AGBL4: variants seen among roughly 807,000 people sequenced by gnomAD.
AGBL4 encodes AGBL carboxypeptidase 4.
In AGBL4, 58 loss-of-function variants were observed where a neutral mutation model predicts 66.4. The observed-to-expected ratio is 0.87, with a 90% CI of 0.71 to 1.09. The LOEUF (loss-of-function observed/expected upper bound fraction) is 1.09, where lower values mean the gene tolerates loss of function less well. Ranked by LOEUF, AGBL4 falls within the 50% of genes least tolerant of loss-of-function variation. The pLI is 0.00. For synonymous variants in AGBL4, 234 were observed against 222.9 expected (o/e 1.05, Z -0.44); for missense variants, 579 against 631.0 (o/e 0.92, Z 0.88).
At chr1:49,844,995 C>G in intron 2 of AGBL4, 1 of 1,423,410 alleles carries the variant, frequency 7.0e-7, no homozygotes, top group Non-Finnish European at 9.7e-7. Flanking sequence ...AACAAGGCCC[C>G]CACACGTGGG....
At chr1:49,064,568 C>G (rs1644459420) in intron 4 of AGBL4, among the ~76,000 whole-genome samples, 1 of 152,146 alleles carries the variant, frequency 6.6e-6, no homozygotes, top group South Asian at 2.1e-4. Flanking sequence ...CGTGAGTCCT[C>G]AATATCCTTC....
intron 1 of AGBL4, among the ~76,000 whole-genome samples, chr1:49,950,009 TACACAC>T (rs371624252): frequency 1.9e-5 from 2 of 102,794 alleles, no homozygotes; most frequent in Admixed American, 1.0e-4. Flanking sequence ...TATATATATA[TACACAC>T]ACATATGTGT....
intron 3 of AGBL4, among the ~76,000 whole-genome samples, chr1:49,254,656 GA>G (rs35500560): frequency 1.3e-5 from 2 of 151,720 alleles, no homozygotes; most frequent in African/African-American, 2.4e-5. Flanking sequence ...CAGAACTAGA[GA>G]AAAAAAATTT....
chr1:49,245,293 CACAA>C (rs1425585259), intron 4 of AGBL4, among the ~76,000 whole-genome samples: 2 of 132,560 alleles, frequency 1.5e-5, no homozygotes, highest in Non-Finnish European at 3.4e-5. Context: ...CACACACACA[CACAA>C]AACACAAAAA....
At chr1:48,816,237 G>A (rs971463574) in intron 6 of AGBL4, among the ~76,000 whole-genome samples, 6 of 152,146 alleles carry the variant, frequency 3.9e-5, no homozygotes, top group Non-Finnish European at 7.3e-5. Context: ...GTTAGCTGGG[G>A]AGAAGGTTGT....
At chr1:49,288,319 C>G (rs1419297114) in intron 3 of AGBL4, among the ~76,000 whole-genome samples, 2 of 149,410 alleles carry the variant, frequency 1.3e-5, no homozygotes, top group Admixed American at 6.7e-5. Flanking sequence ...ACATATGTAA[C>G]TAACCTGCAC....
intron 1 of AGBL4, among the ~76,000 whole-genome samples, chr1:49,865,165 T>C (rs1188653742): frequency 1.3e-5 from 2 of 152,056 alleles, no homozygotes; most frequent in East Asian, 3.9e-4. Context: ...TCAGAGGACT[T>C]AAGTATTTCC....
Position 49,377,730 on chromosome 1 carries a change from A to T in AGBL4, c.283-131866T>A, listed in dbSNP as rs183802437. On this transcript the variant is annotated intron_variant, in intron 3 of 13. Coordinates refer to ENST00000371839, the MANE Select transcript of AGBL4 (RefSeq NM_032785.4). ...AGCCCCAAATACTAAGAAGCAATGC[A>T]AAGAGGGCCAGGCGCATACAGCATG... Among the ~76,000 whole-genome samples, 284 of 152,204 alleles carry T rather than the reference A, an allele frequency of 1.9e-3. 2 individuals carry two copies. Among genetic ancestry groups the T allele is most frequent in the African/African-American group, 6.5e-3 (269 of 41,570 alleles).
chr1:49,771,781 G>A (rs987202857), intron 2 of AGBL4, among the ~76,000 whole-genome samples: 17 of 151,582 alleles, frequency 1.1e-4, no homozygotes, highest in East Asian at 1.9e-4. Context: ...ATATAAAGTC[G>A]ACTTTATCTG....
chr1:49,393,381 G>A (rs892731969), intron 3 of AGBL4, among the ~76,000 whole-genome samples: 2 of 152,072 alleles, frequency 1.3e-5, no homozygotes, highest in African/African-American at 4.8e-5. Context: ...TGTACAATCT[G>A]GTGCAAAATT....
chr1:48,814,677 G>A (rs952832511), intron 6 of AGBL4, among the ~76,000 whole-genome samples: 7 of 150,130 alleles, frequency 4.7e-5, no homozygotes, highest in East Asian at 3.9e-4. Flanking sequence ...TTCTGTTCCC[G>A]GCTTATTTCA....
At chr1:48,921,032 GA>G (rs1330171472) in intron 5 of AGBL4, among the ~76,000 whole-genome samples, 2 of 152,362 alleles carry the variant, frequency 1.3e-5, no homozygotes, top group African/African-American at 4.8e-5. Context: ...CCATTTGCCT[GA>G]AGGAGCAGGT....
In AGBL4 at chr1:49,215,947, T is replaced by C. The variant is rs577243272; in HGVS notation, c.377+29823A>G. 2.0e-5 allele frequency among the ~76,000 whole-genome samples: 3 copies of C among 152,214 alleles called. No homozygotes were observed. The South Asian group carries it at 6.2e-4, about 32-fold the overall frequency. On this transcript the variant is annotated intron_variant, in intron 4 of 13. Coordinates refer to ENST00000371839, the MANE Select transcript of AGBL4 (RefSeq NM_032785.4). ...CTAGAATTCAGGGAGCTCTCATAAT[T>C]TGCTCAAGGCCACATGGCTAGTAGA...
At chr1:49,262,583 A>T (rs1653303937) in intron 3 of AGBL4, among the ~76,000 whole-genome samples, 1 of 152,196 alleles carries the variant, frequency 6.6e-6, no homozygotes, top group African/African-American at 2.4e-5. Flanking sequence ...CATCAGAGAA[A>T]TGCAAATCAA....
intron 3 of AGBL4, among the ~76,000 whole-genome samples, chr1:49,314,904 CT>C (rs1645011404): frequency 6.6e-6 from 1 of 152,046 alleles, no homozygotes; most frequent in Non-Finnish European, 1.5e-5. Flanking sequence ...TGTTTCCTGA[CT>C]TTTTAATGAT....
intron 4 of AGBL4, among the ~76,000 whole-genome samples, chr1:49,165,786 G>T (rs1646623882): frequency 6.6e-6 from 1 of 151,152 alleles, no homozygotes; most frequent in African/African-American, 2.4e-5. Flanking sequence ...GAGGGAAGGG[G>T]ATGGAGGAAG....
At chr1:49,332,828 G>A (rs868825424) in intron 3 of AGBL4, among the ~76,000 whole-genome samples, 3 of 152,050 alleles carry the variant, frequency 2.0e-5, no homozygotes, top group African/African-American at 7.2e-5. Flanking sequence ...CTAGATCCTT[G>A]AGGAATCGCC....
chr1:49,251,901 A>T (rs916440810), intron 3 of AGBL4, among the ~76,000 whole-genome samples: 1 of 152,194 alleles, frequency 6.6e-6, no homozygotes, highest in East Asian at 1.9e-4. Context: ...ATCAAACAGG[A>T]TAAAAAAAAT....
intron 4 of AGBL4, among the ~76,000 whole-genome samples, chr1:49,133,994 C>G (rs1645954750): frequency 6.6e-6 from 1 of 151,852 alleles, no homozygotes; most frequent in Non-Finnish European, 1.5e-5. Context: ...TTTCTATTTT[C>G]CCTAAGTGTC....
Sources: gnomAD v4.1 joint callset for allele counts (sites outside exome capture counted in the v4.1 genomes callset) on GRCh38, gnomAD v4.1.1 for gene constraint, MANE v1.5 for transcripts, NCBI Gene and HGNC (gene_info 2026-07-23, HGNC 2026-07-21) for gene names.